TSC22D1: variants seen among roughly 807,000 people sequenced by gnomAD.
The protein encoded by TSC22D1 is TSC22 domain family protein 1.
A neutral mutation model predicts 74.2 loss-of-function variants in TSC22D1; 9 were observed. The observed-to-expected ratio is 0.12, with a 90% CI of 0.07 to 0.21. The LOEUF is 0.21. Among genes scored for constraint, TSC22D1 ranks in the 10% least tolerant of loss-of-function variants. TSC22D1 has a pLI of 1.00. For synonymous variants in TSC22D1, 586 were observed against 492.5 expected (o/e 1.19, Z -2.51); for missense variants, 1,427 against 1,304.7 (o/e 1.09, Z -1.44).
At chr13:44,566,199 C>A (rs1472908098) in intron 1 of TSC22D1, among the ~76,000 whole-genome samples, 1 of 152,078 alleles carries the variant, frequency 6.6e-6, no homozygotes, top group African/African-American at 2.4e-5. Flanking sequence ...TGGGCACTGG[C>A]CTTACCTCTT....
intron 1 of TSC22D1, among the ~76,000 whole-genome samples, chr13:44,561,174 AT>A (rs1203555959): frequency 2.0e-5 from 3 of 152,168 alleles, no homozygotes; most frequent in African/African-American, 7.2e-5. Context: ...GAGTGTTACC[AT>A]ATGTGGACTG....
chr13:44,482,607 C>T (rs73188769), intron 1 of TSC22D1, among the ~76,000 whole-genome samples: 3,831 of 152,278 alleles, frequency 0.025, 50 homozygotes, highest in Non-Finnish European at 0.037. Flanking sequence ...TAGTAACTGA[C>T]AGAGCTGAGA....
At chr13:44,532,975 G>A (rs563888422) in intron 1 of TSC22D1, among the ~76,000 whole-genome samples, 82 of 152,252 alleles carry the variant, frequency 5.4e-4, no homozygotes, top group African/African-American at 1.9e-3. Context: ...TAGTAAAGTG[G>A]TACATCTGGT....
At chr13:44,437,481 C>G (rs1462725793) in intron 1 of TSC22D1, 2 of 156,318 alleles carry the variant, frequency 1.3e-5, no homozygotes, top group African/African-American at 4.8e-5. Context: ...AGAAACAAAA[C>G]AAAAAACATT....
intron 1 of TSC22D1, among the ~76,000 whole-genome samples, chr13:44,545,906 G>A (rs1881792625): frequency 3.3e-5 from 5 of 152,034 alleles, no homozygotes; most frequent in African/African-American, 9.7e-5. Context: ...GAATCCAGCA[G>A]GCAAAGGTTG....
chr13:44,553,310 A>G (rs1253972794), intron 1 of TSC22D1, among the ~76,000 whole-genome samples: 1 of 152,186 alleles, frequency 6.6e-6, no homozygotes, highest in East Asian at 1.9e-4. Context: ...TATACAGACA[A>G]AAAGCATTCC....
intron 1 of TSC22D1, among the ~76,000 whole-genome samples, chr13:44,520,771 G>T (rs919259935): frequency 6.6e-6 from 1 of 152,130 alleles, no homozygotes; most frequent in African/African-American, 2.4e-5. Flanking sequence ...TAATTTCTCT[G>T]TAAGGTTGAA....
intron 1 of TSC22D1, among the ~76,000 whole-genome samples, chr13:44,521,101 C>A (rs989493303): frequency 6.6e-6 from 1 of 152,126 alleles, no homozygotes; most frequent in African/African-American, 2.4e-5. Flanking sequence ...GCTCAGTGCG[C>A]TAAAAGACCT....
intron 1 of TSC22D1, chr13:44,437,211 G>A (rs1197395770): frequency 3.0e-6 from 3 of 985,414 alleles, no homozygotes; most frequent in African/African-American, 3.5e-5. Context: ...CCGGAGCTGT[G>A]TCCCGCGGCT....
At chr13:44,546,065 G>T (rs1011406543) in intron 1 of TSC22D1, among the ~76,000 whole-genome samples, 9 of 152,020 alleles carry the variant, frequency 5.9e-5, no homozygotes, top group Non-Finnish European at 1.2e-4. Context: ...TACGTTTTGC[G>T]AATTAGGCTG....
intron 1 of TSC22D1, among the ~76,000 whole-genome samples, chr13:44,444,184 C>T (rs973018761): frequency 1.7e-4 from 24 of 141,426 alleles, no homozygotes; most frequent in Non-Finnish European, 3.2e-4. Context: ...GAGGCTGAGG[C>T]AGGAGAATCG....
rs775840182 is a variant in TSC22D1 at position 44,575,571 on chromosome 13, G to A, written c.504C>T (p.Pro168=). 2 of 1,613,896 alleles carry A rather than the reference G, an allele frequency of 1.2e-6. No individual in the cohort carries two copies. Among genetic ancestry groups the A allele is most frequent in the African/African-American group, 1.3e-5 (1 of 74,886 alleles). Residue 168 remains proline (P), a synonymous_variant, in exon 1 of 3, where the codon CCC becomes CCT. Coordinates refer to ENST00000458659, the MANE Select transcript of TSC22D1 (RefSeq NM_183422.4). ...GGGTCTCTTCTGAGGAGCTGCGTTC[G>A]GGCTCCCCTAAGTCAGTAGCCCTGG... is the stretch of plus-strand genomic sequence containing the variant. ...SLSRATDLGE[P]ERSSSEETLN... is the part of the protein sequence containing the mutation.
chr13:44,523,152 ATGC>A (rs1180685536), intron 1 of TSC22D1, among the ~76,000 whole-genome samples: 3 of 152,158 alleles, frequency 2.0e-5, no homozygotes, highest in Non-Finnish European at 1.5e-5. Flanking sequence ...ACAACACCAA[ATGC>A]TGCTAAGAAT....
chr13:44,479,183 T>C (rs1319525025), intron 1 of TSC22D1, among the ~76,000 whole-genome samples: 1 of 152,108 alleles, frequency 6.6e-6, no homozygotes, highest in East Asian at 1.9e-4. Context: ...ACCCTAACCT[T>C]TAGCACACAG....
chr13:44,576,070 T>G lies in TSC22D1; in HGVS notation c.5A>C (p.His2Pro). The change falls in exon 1 of 3, where the codon CAC becomes CCC. Residue 2 changes from histidine to proline, a missense_variant. Physicochemically the swap from His to Pro is moderately conservative, Grantham distance 77. This residue lies in a region of TSC22D1 where 1,343 missense variants were observed against 1,191.5 expected (regional missense o/e 1.13). Transcript: ENST00000458659. MHQPPESTAAAA... is the reference protein window; with the variant it reads MPQPPESTAAAA... Reference sequence around the variant, plus strand: ...CGCGGCGGTGGACTCAGGCGGCTGGTGCATTGTGTTGGGTACCGGGGGCGC... The same window carrying G: ...CGCGGCGGTGGACTCAGGCGGCTGGGGCATTGTGTTGGGTACCGGGGGCGC... 6.4e-7 allele frequency: 1 copy of G among 1,554,062 alleles called. No individual in the cohort carries two copies. The highest frequency in any genetic ancestry group is 8.7e-7 in the Non-Finnish European group (1 of 1,153,740).
chr13:44,516,605 A>G (rs2138024957), intron 1 of TSC22D1, among the ~76,000 whole-genome samples: 1 of 152,290 alleles, frequency 6.6e-6, no homozygotes. Flanking sequence ...AAAAAAGCAA[A>G]CTAATATTAC....
intron 1 of TSC22D1, among the ~76,000 whole-genome samples, chr13:44,471,623 C>T (rs543935956): frequency 3.3e-5 from 5 of 152,220 alleles, no homozygotes; most frequent in East Asian, 1.9e-4. Context: ...ATCATATTGA[C>T]GTATAAGAGA....
At chr13:44,550,593 AAAAAAAAG>A (rs1222887780) in intron 1 of TSC22D1, among the ~76,000 whole-genome samples, 1 of 151,536 alleles carries the variant, frequency 6.6e-6, no homozygotes, top group African/African-American at 2.4e-5. Context: ...GGGGAAAAAA[AAAAAAAAG>A]AAAAAAAGAA....
At chr13:44,558,543 C>A (rs1035316155) in intron 1 of TSC22D1, among the ~76,000 whole-genome samples, 7 of 152,022 alleles carry the variant, frequency 4.6e-5, no homozygotes, top group African/African-American at 1.7e-4. Flanking sequence ...AGTTCAAGAC[C>A]AGCCTGGCCA....
Sources: allele counts gnomAD v4.1 joint callset (sites outside exome capture counted in the v4.1 genomes callset), GRCh38; gene constraint gnomAD v4.1.1; regional missense constraint gnomAD v4.1.1; transcripts MANE v1.5; gene names NCBI Gene and HGNC (gene_info 2026-07-23, HGNC 2026-07-21).